The following DMD variants were observed in gnomAD, a reference collection of about 807,000 sequenced individuals.
DMD encodes the protein dystrophin, also known as mutant dystrophin.
In DMD, 63 loss-of-function variants were observed where a neutral mutation model predicts 330.1. That is an observed-to-expected ratio of 0.19 (90% CI 0.16 to 0.24). The LOEUF (loss-of-function observed/expected upper bound fraction) is 0.24. Ranked by LOEUF, DMD falls within the 10% of genes least tolerant of loss-of-function variation. The pLI is 1.00. For missense variants in DMD, 3,344 were observed against 2,684.1 expected (o/e 1.25, Z -5.43); for synonymous variants, 1,223 against 959.8 (o/e 1.27, Z -5.07).
intron 43 of DMD, among the ~76,000 whole-genome samples, chrX:32,258,841 T>C (rs1003147813): frequency 6.3e-5 from 7 of 110,912 alleles, no homozygotes; most frequent in African/African-American, 2.3e-4. Context: ...GTAAAATATA[T>C]TTTGTCATTG....
intron 44 of DMD, among the ~76,000 whole-genome samples, chrX:31,984,300 A>G (rs2095495793): frequency 8.9e-6 from 1 of 112,292 alleles, no homozygotes; most frequent in Admixed American, 9.4e-5. Flanking sequence ...AGAGGACAAC[A>G]GCATCCCTAG....
intron 44 of DMD, among the ~76,000 whole-genome samples, chrX:32,040,318 C>T (rs1416102060): frequency 9.0e-6 from 1 of 111,675 alleles, no homozygotes; most frequent in African/African-American, 3.3e-5. Flanking sequence ...AGAGAACCAA[C>T]AATGCCTTCA....
At chrX:32,426,938 A>C (rs927622497) in intron 29 of DMD, among the ~76,000 whole-genome samples, 2 of 111,346 alleles carry the variant, frequency 1.8e-5, no homozygotes, top group Non-Finnish European at 3.8e-5. Flanking sequence ...GGGAACAGAC[A>C]CTGGGTCCTA....
intron 1 of DMD, among the ~76,000 whole-genome samples, chrX:33,249,381 C>T (rs1036561620): frequency 1.3e-4 from 15 of 111,622 alleles, no homozygotes; most frequent in Non-Finnish European, 2.4e-4. Context: ...GAACTCCTGA[C>T]CTTAGGTGAT....
chrX:32,060,657 C>A (rs935206336), intron 44 of DMD, among the ~76,000 whole-genome samples: 1 of 111,728 alleles, frequency 9.0e-6, no homozygotes, highest in African/African-American at 3.2e-5. Flanking sequence ...TTTAACAATT[C>A]CACCTTAGCA....
chrX:32,078,631 C>T (rs765078189), intron 44 of DMD, among the ~76,000 whole-genome samples: 70 of 112,100 alleles, frequency 6.2e-4, no homozygotes, highest in Non-Finnish European at 7.3e-4. Flanking sequence ...GTCTTTACAC[C>T]AAACACTATG....
intron 60 of DMD, among the ~76,000 whole-genome samples, chrX:31,375,473 A>C (rs145820420): frequency 2.5e-4 from 28 of 111,518 alleles, no homozygotes; most frequent in African/African-American, 8.5e-4. Flanking sequence ...GAAAGGGAAA[A>C]AAGGTACACA....
rs145411206 is a variant in DMD at position 31,365,826 on chromosome X, T to C, written c.9085-17192A>G. Among the ~76,000 whole-genome samples, 1,109 of 112,767 alleles carry C rather than the reference T, an allele frequency of 9.8e-3. 10 individuals are homozygous for C. Among genetic ancestry groups the C allele is most frequent in the African/African-American group, 0.034 (1,049 of 31,038 alleles). ...TGTCTTGGTCATCTCCTCTGTTATG[T>C]TGGAGACAGAGTGACACACGTAGGT... is the stretch of plus-strand genomic sequence containing the variant. On this transcript the variant is annotated intron_variant, in intron 60 of 78. Transcript: ENST00000357033.
intron 13 of DMD, among the ~76,000 whole-genome samples, chrX:32,588,900 T>C (rs1458177464): frequency 9.0e-6 from 1 of 111,462 alleles, no homozygotes; most frequent in East Asian, 2.8e-4. Context: ...AAATAAGAAA[T>C]TCAGTAAGGA....
chrX:32,010,371 T>C (rs914163820), intron 44 of DMD, among the ~76,000 whole-genome samples: 8 of 111,581 alleles, frequency 7.2e-5, no homozygotes, highest in African/African-American at 2.6e-4. Flanking sequence ...TAGCTTGAAA[T>C]TGGCTATGCT....
chrX:31,408,201 A>G (rs755470563), intron 60 of DMD, among the ~76,000 whole-genome samples: 1 of 111,259 alleles, frequency 9.0e-6, no homozygotes, highest in Admixed American at 9.5e-5. Context: ...GTGAGGCCAC[A>G]CTCATCAGGT....
At chrX:32,334,999 C>A (rs991492588) in intron 41 of DMD, among the ~76,000 whole-genome samples, 3 of 111,035 alleles carry the variant, frequency 2.7e-5, no homozygotes, top group African/African-American at 9.8e-5. Flanking sequence ...GGACAAATCT[C>A]TTAACCTCAT....
chrX:32,407,647 C>G (rs1456150215), intron 30 of DMD, among the ~76,000 whole-genome samples: 1 of 110,765 alleles, frequency 9.0e-6, no homozygotes, highest in African/African-American at 3.3e-5. Flanking sequence ...GATTATAAAT[C>G]ATGCTGCTAT....
intron 1 of DMD, among the ~76,000 whole-genome samples, chrX:33,108,367 A>C: frequency 9.0e-6 from 1 of 110,837 alleles, no homozygotes; most frequent in East Asian, 2.9e-4. Flanking sequence ...CTCGGTTTCA[A>C]GGGATTCTTT....
At chrX:33,066,114 G>C (rs1241401394) in intron 1 of DMD, among the ~76,000 whole-genome samples, 1 of 109,043 alleles carries the variant, frequency 9.2e-6, no homozygotes, top group Non-Finnish European at 1.9e-5. Context: ...GGAAGCAAAA[G>C]TAGGTAGCTA....
intron 67 of DMD, among the ~76,000 whole-genome samples, chrX:31,189,699 G>C (rs2042131677): frequency 8.9e-6 from 1 of 112,015 alleles, no homozygotes; most frequent in Admixed American, 9.5e-5. Context: ...GTTAAAATCT[G>C]CTGAATTGAA....
At chrX:32,757,683 C>T (rs748918638) in intron 7 of DMD, among the ~76,000 whole-genome samples, 2 of 111,694 alleles carry the variant, frequency 1.8e-5, no homozygotes, top group Non-Finnish European at 3.8e-5. Context: ...GCTCATTTGC[C>T]CTCCACCATG....
At chrX:31,766,935 G>A (rs1460234289) in intron 51 of DMD, among the ~76,000 whole-genome samples, 4 of 104,946 alleles carry the variant, frequency 3.8e-5, no homozygotes, top group Non-Finnish European at 5.9e-5. Flanking sequence ...TTTAAGGGGC[G>A]GTTTATTTTT....
At chrX:32,314,324 C>T (rs911321390) in intron 41 of DMD, among the ~76,000 whole-genome samples, 8 of 110,990 alleles carry the variant, frequency 7.2e-5, no homozygotes, top group African/African-American at 9.8e-5. Context: ...TAAATGGTGT[C>T]GGGAAAACTG....
Sources: allele counts gnomAD v4.1 joint callset (sites outside exome capture counted in the v4.1 genomes callset), GRCh38; gene constraint gnomAD v4.1.1; transcripts MANE v1.5; gene names NCBI Gene and HGNC (gene_info 2026-07-23, HGNC 2026-07-21).